SPACA5: variants seen among roughly 807,000 people sequenced by gnomAD.
SPACA5 encodes the protein sperm acrosome-associated protein 5.
chrX:48,004,336 G>A (rs1412794265), upstream of SPACA5: 5 of 110,605 alleles, frequency 4.5e-5, no homozygotes, highest in South Asian at 3.8e-4. Context: ...GAACTTGGAG[G>A]GCAGCAACAG....
chrX:48,006,531 G>A (rs1423348700), upstream of SPACA5, among the ~76,000 whole-genome samples: 4 of 113,576 alleles, frequency 3.5e-5, no homozygotes, highest in South Asian at 3.5e-4. Flanking sequence ...TTACATGGGC[G>A]TTATACAGGG....
upstream of SPACA5, chrX:48,004,562 T>C (rs782351505): frequency 6.0e-3 from 290 of 48,448 alleles, 1 homozygote; most frequent in African/African-American, 0.023. Flanking sequence ...TGAAGGGGTA[T>C]ATTAAGTGGT....
upstream of SPACA5, among the ~76,000 whole-genome samples, chrX:48,006,234 CTGAA>C (rs2058995762): frequency 8.8e-6 from 1 of 113,952 alleles, no homozygotes; most frequent in Admixed American, 9.2e-5. Flanking sequence ...GGAGCAGACT[CTGAA>C]TGAATGGGGC....
upstream of SPACA5, among the ~76,000 whole-genome samples, chrX:48,004,650 G>A (rs2058992641): frequency 6.5e-5 from 1 of 15,273 alleles, no homozygotes; most frequent in East Asian, 1.5e-3. Context: ...CTGGGGCCAG[G>A]TGCTGTAGGG....
upstream of SPACA5, chrX:48,004,538 A>G (rs2058992286): frequency 1.7e-5 from 1 of 58,596 alleles, no homozygotes; most frequent in African/African-American, 7.1e-5. Context: ...GATGTGGGAC[A>G]CACACACCGG....
upstream of SPACA5, among the ~76,000 whole-genome samples, chrX:48,006,664 C>A (rs1333234575): frequency 2.1e-5 from 2 of 96,156 alleles, no homozygotes; most frequent in African/African-American, 7.6e-5. Context: ...AAGTGAAGAG[C>A]AGAGGATGGG....
chrX:48,006,124 A>G (rs2058995466), upstream of SPACA5, among the ~76,000 whole-genome samples: 1 of 111,292 alleles, frequency 9.0e-6, no homozygotes, highest in Admixed American at 9.5e-5. Context: ...TGAGGGAATG[A>G]CTATGCATGC....
upstream of SPACA5, among the ~76,000 whole-genome samples, chrX:48,006,417 G>T (rs1259779401): frequency 8.7e-6 from 1 of 114,986 alleles, no homozygotes; most frequent in Non-Finnish European, 1.9e-5. Context: ...GGGTGCGGGA[G>T]GGACAGAATA....
chrX:48,004,689 T>A (rs1372643206), upstream of SPACA5, among the ~76,000 whole-genome samples: 1 of 6,787 alleles, frequency 1.5e-4, no homozygotes, highest in African/African-American at 6.8e-4. Flanking sequence ...TCATATTTCA[T>A]TCTGGACATA....
upstream of SPACA5, among the ~76,000 whole-genome samples, chrX:48,004,600 G>A (rs1372691773): frequency 8.5e-4 from 25 of 29,297 alleles, no homozygotes; most frequent in Non-Finnish European, 1.3e-4. Flanking sequence ...TTCTGGATGA[G>A]TAGACAGTGT....
upstream of SPACA5, chrX:48,004,411 G>A (rs1556902411): frequency 1.0e-5 from 1 of 98,314 alleles, no homozygotes; most frequent in Admixed American, 1.1e-4. Flanking sequence ...TGCACAAAGA[G>A]TAGGAGGTAG....
chrX:48,004,477 T>G (rs1556902433), upstream of SPACA5: 1 of 78,709 alleles, frequency 1.3e-5, no homozygotes, highest in Non-Finnish European at 2.4e-5. Flanking sequence ...GTTGTAGCGT[T>G]TGAAGGACGG....
At chrX:48,006,524 C>G (rs2058996670), upstream of SPACA5, among the ~76,000 whole-genome samples, 2 of 113,975 alleles carry the variant, frequency 1.8e-5, no homozygotes, top group Non-Finnish European at 3.7e-5. Flanking sequence ...ACTGGGATTA[C>G]ATGGGCGTTA....
chrX:48,004,446 T>C (rs1214476871), upstream of SPACA5: 49 of 85,531 alleles, frequency 5.7e-4, no homozygotes, highest in African/African-American at 1.6e-3. Flanking sequence ...CTTCATCCAG[T>C]GGCCAGGACT....
At chrX:48,004,625 T>TGTAGGG (rs1323415886), upstream of SPACA5, among the ~76,000 whole-genome samples, 1 of 20,157 alleles carries the variant, frequency 5.0e-5, no homozygotes, top group African/African-American at 2.2e-4. Flanking sequence ...GTGTTGGGAG[T>TGTAGGG]GTAGGGGGTG....
chrX:48,006,133 G>A (rs2058995508), upstream of SPACA5, among the ~76,000 whole-genome samples: 1 of 111,971 alleles, frequency 8.9e-6, no homozygotes, highest in African/African-American at 3.2e-5. Flanking sequence ...GACTATGCAT[G>A]CATTCAATTA....
chrX:48,006,586 G>A (rs1457819226), upstream of SPACA5, among the ~76,000 whole-genome samples: 2 of 104,809 alleles, frequency 1.9e-5, no homozygotes, highest in African/African-American at 3.5e-5. Context: ...AGTGGGAATC[G>A]GCAAATGTGA....
upstream of SPACA5, among the ~76,000 whole-genome samples, chrX:48,006,178 AT>A (rs1556902703): frequency 8.8e-6 from 1 of 113,625 alleles, no homozygotes. Flanking sequence ...GATTAAGTAA[AT>A]GATGGGAAAT....
upstream of SPACA5, chrX:48,004,418 G>A (rs1188332687): frequency 1.0e-5 from 1 of 96,362 alleles, no homozygotes; most frequent in Non-Finnish European, 2.1e-5. Context: ...AGAGTAGGAG[G>A]TAGGGAAAAG....
Sources: gnomAD v4.1 joint callset for allele counts (sites outside exome capture counted in the v4.1 genomes callset) on GRCh38, gnomAD v4.1.1 for gene constraint, MANE v1.5 for transcripts, NCBI Gene and HGNC (gene_info 2026-07-23, HGNC 2026-07-21) for gene names.